POMK: variants seen among roughly 807,000 people sequenced by gnomAD.
POMK encodes the protein protein O-mannose kinase, also known as Sugen kinase 196.
A neutral mutation model predicts 23.0 loss-of-function variants in POMK; 19 were observed. The observed-to-expected ratio is 0.83, with a 90% CI of 0.58 to 1.21. The LOEUF is 1.21. Among genes scored for constraint, POMK ranks in the 50% most tolerant of loss-of-function variants. The pLI, the probability that POMK is intolerant of heterozygous loss-of-function variation, is 0.00. For synonymous variants in POMK, 173 were observed against 171.6 expected, an observed-to-expected ratio of 1.01 and a Z score of -0.06; for missense variants, 410 against 431.3, an observed-to-expected ratio of 0.95 and a Z score of 0.44.
intron 2 of POMK, among the ~76,000 whole-genome samples, chr8:43,098,649 G>A (rs1425073677): frequency 1.3e-5 from 2 of 152,188 alleles, no homozygotes; most frequent in African/African-American, 2.4e-5. Context: ...TTGCTGGGTC[G>A]TGTGGTGACT....
At chr8:43,115,445 C>A (rs1811778251) in intron 4 of POMK, among the ~76,000 whole-genome samples, 1 of 152,228 alleles carries the variant, frequency 6.6e-6, no homozygotes, top group African/African-American at 2.4e-5. Flanking sequence ...TATTTCCTAA[C>A]TCCATCAGTC....
chr8:43,110,336 T>G (rs1811625291), intron 4 of POMK, among the ~76,000 whole-genome samples: 1 of 152,242 alleles, frequency 6.6e-6, no homozygotes, highest in African/African-American at 2.4e-5. Flanking sequence ...GTTTCCAGTG[T>G]AGCTAGGGAG....
rs181257227 is a variant in POMK, at chr8:43,114,199, C to G, written c.283-7908C>G. On this transcript the variant is annotated intron_variant, in intron 4 of 4. Transcript: ENST00000331373. ...ACTGCTGTCTTTTCGTTTCTCTGTG[C>G]CCTGTCCCCAGAGGTGGAGCCTACA... Among the ~76,000 whole-genome samples the G allele has an allele frequency of 7.9e-3, 1,210 of 152,348 alleles. 16 individuals carry two copies. Among genetic ancestry groups the G allele is most frequent in the African/African-American group, 0.027 (1,123 of 41,578 alleles).
intron 4 of POMK, among the ~76,000 whole-genome samples, chr8:43,118,326 A>G (rs1811844122): frequency 1.3e-5 from 2 of 152,208 alleles, no homozygotes; most frequent in African/African-American, 4.8e-5. Flanking sequence ...TTATAACGCC[A>G]TTAGTATAAC....
intron 4 of POMK, among the ~76,000 whole-genome samples, chr8:43,110,953 T>A (rs1811643773): frequency 6.6e-6 from 1 of 150,498 alleles, no homozygotes; most frequent in Non-Finnish European, 1.5e-5. Context: ...GAAGCCAAGA[T>A]GGCCGAATAG....
chr8:43,120,523 A>T (rs921545072), intron 4 of POMK, among the ~76,000 whole-genome samples: 2 of 151,782 alleles, frequency 1.3e-5, no homozygotes, highest in African/African-American at 4.8e-5. Context: ...ACCCAGCCGT[A>T]CCATTACTTT....
At chr8:43,113,795 A>G (rs1019331663) in intron 4 of POMK, among the ~76,000 whole-genome samples, 38 of 151,898 alleles carry the variant, frequency 2.5e-4, no homozygotes, top group African/African-American at 9.2e-4. Flanking sequence ...TTTGGTGTGG[A>G]TGTCCTTTCT....
chr8:43,099,241 A>G (rs1811392241), intron 2 of POMK, among the ~76,000 whole-genome samples: 1 of 152,198 alleles, frequency 6.6e-6, no homozygotes, highest in Non-Finnish European at 1.5e-5. Flanking sequence ...GTGAGCCACC[A>G]ATGCCTGACC....
At chr8:43,118,525 TA>T (rs1398758980) in intron 4 of POMK, among the ~76,000 whole-genome samples, 2 of 152,274 alleles carry the variant, frequency 1.3e-5, no homozygotes, top group Admixed American at 1.3e-4. Context: ...AATTTTATAA[TA>T]AAAAAGTAAA....
intron 4 of POMK, among the ~76,000 whole-genome samples, chr8:43,105,135 C>T (rs762990703): frequency 1.6e-4 from 24 of 152,132 alleles, no homozygotes; most frequent in African/African-American, 5.3e-4. Context: ...GTGTAGTTAG[C>T]GGATCAGGGC....
chr8:43,103,600 C>A lies in POMK; in HGVS notation c.52C>A (p.Pro18Thr), dbSNP rs1331959903. The A allele has an allele frequency of 6.2e-7, 1 of 1,614,124 alleles. No individual in the cohort carries two copies. The highest frequency in any genetic ancestry group is 8.5e-7 in the Non-Finnish European group (1 of 1,180,034). Residue 18 changes from proline (P) to threonine (T), a missense_variant, in exon 4 of 5, where the codon CCG becomes ACG. By Grantham distance (38) the Pro-to-Thr change is conservative. Transcript: ENST00000331373. Reference protein sequence around the residue: ...SRRGLAPREVPPAVGLLLIMA... With the variant: ...SRRGLAPREVTPAVGLLLIMA... ...GAGAGGCCTCGCCCCCCGAGAGGTG[C>A]CGCCAGCTGTTGGGCTGCTGCTGAT...
chr8:43,116,098 G>A (rs376565021), intron 4 of POMK, among the ~76,000 whole-genome samples: 27 of 152,268 alleles, frequency 1.8e-4, no homozygotes, highest in Middle Eastern at 3.4e-3. Context: ...TCTCTAAAGC[G>A]CATTTCTCTT....
intron 4 of POMK, among the ~76,000 whole-genome samples, chr8:43,119,342 A>T (rs1033108098): frequency 1.3e-5 from 2 of 152,122 alleles, no homozygotes; most frequent in African/African-American, 2.4e-5. Flanking sequence ...ATGAAAATTT[A>T]AAAAAATCTT....
intron 2 of POMK, among the ~76,000 whole-genome samples, chr8:43,099,615 G>A (rs1811398488): frequency 2.6e-5 from 4 of 152,358 alleles, no homozygotes; most frequent in Non-Finnish European, 4.4e-5. Context: ...TGCTTTGACT[G>A]TTGTGTTTAG....
At chr8:43,105,358 C>G (rs1375152328) in intron 4 of POMK, among the ~76,000 whole-genome samples, 1 of 152,218 alleles carries the variant, frequency 6.6e-6, no homozygotes, top group Non-Finnish European at 1.5e-5. Context: ...TTCCCAGCCT[C>G]TAGAAAACTG....
intron 4 of POMK, among the ~76,000 whole-genome samples, chr8:43,111,186 G>A (rs1443976138): frequency 6.6e-6 from 1 of 152,200 alleles, no homozygotes; most frequent in East Asian, 1.9e-4. Context: ...AGAAAGTGGA[G>A]ACAGATGGCA....
chr8:43,115,399 G>A (rs942012609), intron 4 of POMK, among the ~76,000 whole-genome samples: 5 of 152,132 alleles, frequency 3.3e-5, no homozygotes, highest in African/African-American at 4.8e-5. Flanking sequence ...AACTCACCAC[G>A]TCACAGATCT....
chr8:43,120,407 T>G (rs1811888868), intron 4 of POMK, among the ~76,000 whole-genome samples: 1 of 151,358 alleles, frequency 6.6e-6, no homozygotes, highest in Non-Finnish European at 1.5e-5. Context: ...AGGTTTTAGG[T>G]TTTAGGTTTC....
In POMK at chr8:43,114,855, A is replaced by G. The variant is rs571025064; in HGVS notation, c.283-7252A>G. 2.0e-5 allele frequency among the ~76,000 whole-genome samples: 3 copies of G among 152,268 alleles called. No individual in the cohort carries two copies. The South Asian group carries it at 6.2e-4, about 32-fold the overall frequency. ...GGACACAGTACACCTGTGTCAGGGG[A>G]GCTGCTCAAAGTCTGGAATGTAGAT... On this transcript the variant is annotated intron_variant, in intron 4 of 4. Coordinates refer to ENST00000331373, the MANE Select transcript of POMK (RefSeq NM_032237.5).
Sources: allele counts gnomAD v4.1 joint callset (sites outside exome capture counted in the v4.1 genomes callset), GRCh38; gene constraint gnomAD v4.1.1; transcripts MANE v1.5; gene names NCBI Gene and HGNC (gene_info 2026-07-23, HGNC 2026-07-21).